OR7D2: variants seen among roughly 807,000 people sequenced by gnomAD.
OR7D2 encodes olfactory receptor 7D2.
For synonymous variants in OR7D2, 158 were observed against 158.7 expected (o/e 1.00, Z 0.03); for missense variants, 370 against 384.1 (o/e 0.96, Z 0.31).
intron 2 of OR7D2, among the ~76,000 whole-genome samples, chr19:9,181,559 A>T (rs1008956640): frequency 6.6e-6 from 1 of 150,750 alleles, no homozygotes; most frequent in African/African-American, 2.4e-5. Flanking sequence ...GGCTCAGGCA[A>T]TTCTCCTGCC....
At chr19:9,182,488 CTTTA>C (rs145113847) in intron 2 of OR7D2, 45 of 226,754 alleles carry the variant, frequency 2.0e-4, no homozygotes, top group Middle Eastern at 1.8e-3. Flanking sequence ...TACATGCATA[CTTTA>C]TTTATTTATT....
chr19:9,184,393 G>A (rs2051014963), intron 2 of OR7D2, among the ~76,000 whole-genome samples: 2 of 151,784 alleles, frequency 1.3e-5, no homozygotes, highest in South Asian at 2.1e-4. Flanking sequence ...CAGCCTGGGC[G>A]ACAGAGAATC....
At chr19:9,183,111 C>T (rs2051002955) in intron 2 of OR7D2, 4 of 261,270 alleles carry the variant, frequency 1.5e-5, no homozygotes, top group Non-Finnish European at 3.2e-5. Flanking sequence ...GTCAGGCCCA[C>T]AGCCAGCGCA....
chr19:9,182,806 C>G (rs1290216864), intron 2 of OR7D2: 1 of 190,990 alleles, frequency 5.2e-6, no homozygotes, highest in Non-Finnish European at 1.1e-5. Flanking sequence ...CAGGCGTGAG[C>G]CACCGCGCCC....
rs2051049571 is a variant in OR7D2, at chr19:9,187,783, G to C, written c.*1063G>C. On this transcript the variant is annotated 3_prime_UTR_variant, in exon 3 of 3. Transcript: ENST00000641288. The stretch of plus-strand genomic sequence containing the variant: ...GTATGTTGGTTGAACATACAAACAA[G>C]TCCAGGTTTTTCATTCCTGAGTTAC... The C allele has an allele frequency of 6.0e-6, 1 of 166,564 alleles. No homozygotes were observed. Among genetic ancestry groups the C allele is most frequent in the Non-Finnish European group, 1.5e-5 (1 of 68,118 alleles). The allele number at this position is 166,564 out of a possible 1,614,324, so 10.3% of individuals were successfully genotyped here.
At chr19:9,179,369 A>G (rs2050974764) in intron 1 of OR7D2, among the ~76,000 whole-genome samples, 1 of 151,866 alleles carries the variant, frequency 6.6e-6, no homozygotes, top group Non-Finnish European at 1.5e-5. Context: ...GTGAAACCCC[A>G]TCTCATCTAA....
rs543068373 is a variant in OR7D2, at chr19:9,179,658, T to A, written c.-105+535T>A. Reference sequence around the variant, plus strand: ...CAGTAGGAACTGGCACTTCCTTGAGTGGATTCCTTTCAGTCTACCTGCTAA... The same window carrying A: ...CAGTAGGAACTGGCACTTCCTTGAGAGGATTCCTTTCAGTCTACCTGCTAA... On this transcript the variant is annotated intron_variant, in intron 1 of 2. Coordinates refer to ENST00000641288, the MANE Select transcript of OR7D2 (RefSeq NM_175883.4). Among the ~76,000 whole-genome samples the A allele has an allele frequency of 2.6e-5, 4 of 152,242 alleles. No homozygotes were observed. The South Asian group carries it at 6.2e-4, about 24-fold the overall frequency.
At position 9,186,523 on chromosome 19, in the gene OR7D2, GTTTC is replaced by G; in HGVS notation, c.746_749del (p.Ser249TyrfsTer15). ...CACCTGTGGGTCTCACCTCTCCGTC[GTTTC>G]TTTATTTTATGGGACAGGCATTGGG... On this transcript the variant is annotated frameshift_variant, in exon 3 of 3. Transcript: ENST00000641288. LOFTEE classifies it low-confidence loss of function (END_TRUNC). The G allele has an allele frequency of 3.1e-6, 5 of 1,613,772 alleles. No individual in the cohort carries two copies. Among genetic ancestry groups the G allele is most frequent in the Non-Finnish European group, 4.2e-6 (5 of 1,179,932 alleles).
intron 2 of OR7D2, chr19:9,182,473 T>TA (rs1387110376): frequency 1.7e-5 from 5 of 294,074 alleles, no homozygotes; most frequent in Admixed American, 4.9e-5. Context: ...ACCTTGTACA[T>TA]AAAATACATG....
chr19:9,186,742 TAAG>T lies in OR7D2; in HGVS notation c.*26_*28del, dbSNP rs1468125030. ...GTGATGGATCCCTTGGCCCCAGGAC[TAAG>T]AAGTTTTGTGAGCACCAATGGCAAA... On this transcript the variant is annotated 3_prime_UTR_variant, in exon 3 of 3. Coordinates refer to ENST00000641288, the MANE Select transcript of OR7D2 (RefSeq NM_175883.4). 6.6e-7 allele frequency: 1 copy of T among 1,517,360 alleles called. No individual in the cohort carries two copies. The highest frequency in any genetic ancestry group is 1.4e-5 in the African/African-American group (1 of 71,316). 94.0% of individuals were successfully genotyped at this position (1,517,360 alleles called of 1,614,324 possible).
intron 2 of OR7D2, chr19:9,183,106 G>C (rs2335076): frequency 0.53 from 144,774 of 270,656 alleles, 41,797 homozygotes; most frequent in African/African-American, 0.86. Context: ...TTCTCGTCAG[G>C]CCCACAGCCA....
rs746299240 is a variant in OR7D2, at chr19:9,186,635, T to C, written c.854T>C (p.Leu285Ser). Residue 285 changes from leucine (L) to serine (S), a missense_variant, in exon 3 of 3, where the codon TTG (leucine) becomes TCG (serine). Transcript: ENST00000641288. ...SVMYTVVTPM[L>S]NPFIYSLRNK... Reference sequence around the variant, plus strand: ...ATGTACACTGTGGTCACCCCCATGTTGAACCCCTTCATCTACAGCCTGAGG... The same window carrying C: ...ATGTACACTGTGGTCACCCCCATGTCGAACCCCTTCATCTACAGCCTGAGG... The C allele has an allele frequency of 6.2e-7, 1 of 1,614,124 alleles. No homozygotes were observed. The highest frequency in any genetic ancestry group is 2.2e-5 in the East Asian group (1 of 44,866).
chr19:9,179,883 G>T (rs566108836), intron 1 of OR7D2, among the ~76,000 whole-genome samples: 1 of 151,890 alleles, frequency 6.6e-6, no homozygotes, highest in East Asian at 1.9e-4. Flanking sequence ...TGTGCCTGTA[G>T]TCCCAGCCAT....
Position 9,188,328 on chromosome 19 carries a change from G to C in OR7D2, c.*1608G>C, listed in dbSNP as rs2051054265. On this transcript the variant is annotated 3_prime_UTR_variant, in exon 3 of 3. Transcript: ENST00000641288. ...GCTGGTCTTGAACTCCTGACCTCAG[G>C]TGATACGCCCACCTCGGCCTCCCAA... is the stretch of plus-strand genomic sequence containing the variant. The C allele has an allele frequency of 6.4e-6, 1 of 155,756 alleles. No individual in the cohort carries two copies. Among genetic ancestry groups the C allele is most frequent in the Admixed American group, 6.6e-5 (1 of 15,258 alleles). 9.6% of individuals were successfully genotyped at this position (155,756 alleles called of 1,614,324 possible). A position where few individuals can be genotyped will look rare whatever the true frequency, so the allele number is the denominator to read the frequency against.
chr19:9,181,745 C>A (rs1226825340), intron 2 of OR7D2, among the ~76,000 whole-genome samples: 2 of 152,122 alleles, frequency 1.3e-5, no homozygotes, highest in African/African-American at 4.8e-5. Context: ...AGCCTCCATG[C>A]CTGGCATTTC....
Position 9,183,955 on chromosome 19 carries a change from CAAAAAAAAAAAAAAAAAAAAAA to C in OR7D2, c.-13-1797_-13-1776del, listed in dbSNP as rs755935536. On this transcript the variant is annotated intron_variant, in intron 2 of 2. Transcript: ENST00000641288. ...CCTGGGCGACAGCAAGACTCCGTCT[CAAAAAAAAAAAAAAAAAAAAAA>C]AAAAAAAAAAAAAAAAGACAAGAGT... is the stretch of plus-strand genomic sequence containing the variant. 0.033 allele frequency among the ~76,000 whole-genome samples: 648 copies of C among 19,482 alleles called. 20 individuals carry two copies. The East Asian group carries it at 0.39, about 12-fold the overall frequency. The allele number at this position is 19,482 out of a possible 152,430, so 12.8% of individuals were successfully genotyped here.
rs368963114 is a variant in OR7D2, at chr19:9,187,945, G to C, written c.*1225G>C. 1 of 166,550 alleles carries C rather than the reference G, an allele frequency of 6.0e-6. No homozygotes were observed. The highest frequency in any genetic ancestry group is 1.5e-5 in the Non-Finnish European group (1 of 68,120). 10.3% of individuals were successfully genotyped at this position (166,550 alleles called of 1,614,324 possible). ...TCACTCATTGGTTGATGGGCACTTA[G>C]GTTGGTTCCATGCCTTTGTAATTGC... On this transcript the variant is annotated 3_prime_UTR_variant, in exon 3 of 3. Coordinates refer to ENST00000641288, the MANE Select transcript of OR7D2 (RefSeq NM_175883.4).
chr19:9,184,263 A>C (rs1410808542), intron 2 of OR7D2, among the ~76,000 whole-genome samples: 1 of 151,916 alleles, frequency 6.6e-6, no homozygotes, highest in Non-Finnish European at 1.5e-5. Flanking sequence ...AAAATACAAA[A>C]ATTAGCTAGG....
In OR7D2 at chr19:9,186,616, A is replaced by C; in HGVS notation, c.835A>C (p.Thr279Pro). The change falls in exon 3 of 3, where the codon ACT (threonine) becomes CCT (proline). Residue 279 changes from threonine to proline, a missense_variant. Transcript: ENST00000641288. ...AATCTCCGTGGCCTCGGTGATGTAC[A>C]CTGTGGTCACCCCCATGTTGAACCC... ...QKISVASVMYTVVTPMLNPFI... is the reference protein window; with the variant it reads ...QKISVASVMYPVVTPMLNPFI... The C allele has an allele frequency of 1.9e-6, 3 of 1,614,004 alleles. No homozygotes were observed. Among genetic ancestry groups the C allele is most frequent in the Non-Finnish European group, 2.5e-6 (3 of 1,179,994 alleles).
Sources: gnomAD v4.1 joint callset for allele counts (sites outside exome capture counted in the v4.1 genomes callset) on GRCh38, gnomAD v4.1.1 for gene constraint, MANE v1.5 for transcripts, NCBI Gene and HGNC (gene_info 2026-07-23, HGNC 2026-07-21) for gene names.